GLCCI1: variants seen among roughly 807,000 people sequenced by gnomAD.
GLCCI1 encodes the protein glucocorticoid-induced transcript 1 protein.
Under a neutral mutation model 52.2 loss-of-function variants are expected in GLCCI1, and 24 were observed. The observed-to-expected ratio is 0.46, with a 90% confidence interval of 0.33 to 0.65. The LOEUF is 0.65. Among genes scored for constraint, GLCCI1 ranks in the 30% least tolerant of loss-of-function variants. The pLI is 0.02. For missense variants in GLCCI1, 704 were observed against 701.5 expected (o/e 1.00, Z -0.04); for synonymous variants, 310 against 276.5 (o/e 1.12, Z -1.20).
chr7:8,083,295 G>A (rs955404775), intron 6 of GLCCI1, among the ~76,000 whole-genome samples: 1 of 151,954 alleles, frequency 6.6e-6, no homozygotes, highest in African/African-American at 2.4e-5. Context: ...GTTTGTTGCT[G>A]TTTGCATAGT....
chr7:8,037,752 C>A (rs988419023), intron 3 of GLCCI1, among the ~76,000 whole-genome samples: 1 of 151,932 alleles, frequency 6.6e-6, no homozygotes, highest in Non-Finnish European at 1.5e-5. Flanking sequence ...GTCATACTTA[C>A]ATCAGATAAA....
chr7:8,059,254 C>T (rs559370103), intron 4 of GLCCI1, among the ~76,000 whole-genome samples: 47 of 152,202 alleles, frequency 3.1e-4, no homozygotes, highest in Non-Finnish European at 6.6e-4. Flanking sequence ...CAATAAGAGA[C>T]AAAAGACACT....
chr7:8,025,905 G>C (rs1326511114), intron 3 of GLCCI1, among the ~76,000 whole-genome samples: 1 of 152,206 alleles, frequency 6.6e-6, no homozygotes, highest in African/African-American at 2.4e-5. Flanking sequence ...GGCATTCCCA[G>C]ATAAAACTTG....
At chr7:8,010,567 A>T (rs549937642) in intron 2 of GLCCI1, among the ~76,000 whole-genome samples, 1 of 152,304 alleles carries the variant, frequency 6.6e-6, no homozygotes, top group African/African-American at 2.4e-5. Context: ...ATTCAGCTAA[A>T]TTAAAAGAAG....
intron 3 of GLCCI1, among the ~76,000 whole-genome samples, chr7:8,046,607 C>T (rs922957997): frequency 1.3e-5 from 2 of 152,170 alleles, no homozygotes; most frequent in Non-Finnish European, 2.9e-5. Context: ...ATTTGCCAAT[C>T]GGAAAATTTT....
chr7:8,050,113 G>A (rs1048218579), intron 3 of GLCCI1, among the ~76,000 whole-genome samples: 11 of 152,082 alleles, frequency 7.2e-5, no homozygotes, highest in Admixed American at 7.2e-4. Context: ...TGTCTATTCC[G>A]GGATCAGTGG....
chr7:8,015,449 G>A (rs576553201), intron 2 of GLCCI1, among the ~76,000 whole-genome samples: 1 of 152,328 alleles, frequency 6.6e-6, no homozygotes, highest in South Asian at 2.1e-4. Flanking sequence ...TGAAATGGAA[G>A]CAAGACTGAA....
chr7:8,074,743 GGT>G (rs1177862941), intron 6 of GLCCI1, among the ~76,000 whole-genome samples: 1 of 152,030 alleles, frequency 6.6e-6, no homozygotes, highest in African/African-American at 2.4e-5. Flanking sequence ...ATCATAAATT[GGT>G]GTTTTTTTAT....
chr7:8,027,182 C>T (rs936583982), intron 3 of GLCCI1, among the ~76,000 whole-genome samples: 14 of 152,176 alleles, frequency 9.2e-5, no homozygotes, highest in African/African-American at 3.4e-4. Context: ...GATATATAAC[C>T]TTTCAGACAA....
intron 6 of GLCCI1, among the ~76,000 whole-genome samples, chr7:8,082,243 T>C (rs1436287243): frequency 1.3e-5 from 2 of 152,220 alleles, no homozygotes; most frequent in Non-Finnish European, 2.9e-5. Context: ...ATGGGTTGTT[T>C]TTAAAGCGTG....
At chr7:8,055,209 A>G (rs76000212) in intron 3 of GLCCI1, among the ~76,000 whole-genome samples, 5,805 of 152,328 alleles carry the variant, frequency 0.038, 168 homozygotes, top group Non-Finnish European at 0.059. Flanking sequence ...ATATTTACCA[A>G]TAACACTATT....
At chr7:8,026,937 A>G (rs1294337618) in intron 3 of GLCCI1, among the ~76,000 whole-genome samples, 1 of 152,206 alleles carries the variant, frequency 6.6e-6, no homozygotes, top group South Asian at 2.1e-4. Flanking sequence ...GTATAACTCT[A>G]CAAATCTGAA....
intron 1 of GLCCI1, among the ~76,000 whole-genome samples, chr7:7,977,954 G>A (rs1459842074): frequency 6.6e-6 from 1 of 152,194 alleles, no homozygotes; most frequent in East Asian, 1.9e-4. Flanking sequence ...GGGCAGGAAA[G>A]TATGCACAAT....
Position 8,086,202 on chromosome 7 carries a change from G to C in GLCCI1, c.1308G>C (p.Gln436His). ...TGTTTTATGGTTTTAGGTCTCGTCA[G>C]CCTATCTCGGCCCCTCTCTTTTCAT... ...VKVFEEMASR[Q>H]PISAPLFSCP... is the part of the protein sequence containing the mutation. Residue 436 changes from glutamine (Q) to histidine (H), a missense_variant, in exon 8 of 8, where the codon CAG (glutamine) becomes CAC (histidine). Physicochemically the swap from Gln to His is conservative, Grantham distance 24. Transcript: ENST00000223145. This position sits in a 1 kb window ranked among gnomAD's most constrained non-coding sequence, Gnocchi z 4.4. The C allele has an allele frequency of 6.2e-7, 1 of 1,611,406 alleles. No individual in the cohort carries two copies. Among genetic ancestry groups the C allele is most frequent in the Non-Finnish European group, 8.5e-7 (1 of 1,179,186 alleles).
At chr7:8,006,697 A>C (rs1299275925) in intron 2 of GLCCI1, among the ~76,000 whole-genome samples, 1 of 152,240 alleles carries the variant, frequency 6.6e-6, no homozygotes, top group Non-Finnish European at 1.5e-5. Flanking sequence ...AATAATCTTC[A>C]TATGGACCTG....
chr7:7,975,432 A>G (rs762522476), intron 1 of GLCCI1, among the ~76,000 whole-genome samples: 39 of 152,216 alleles, frequency 2.6e-4, no homozygotes, highest in Non-Finnish European at 4.9e-4. Flanking sequence ...TGTGCTAACT[A>G]TATACCAAGC....
intron 1 of GLCCI1, among the ~76,000 whole-genome samples, chr7:7,977,328 G>A (rs957220317): frequency 3.3e-5 from 5 of 152,144 alleles, no homozygotes; most frequent in African/African-American, 7.2e-5. Context: ...CTAGACTTGT[G>A]CTATAACTGA....
intron 1 of GLCCI1, among the ~76,000 whole-genome samples, chr7:7,973,269 A>G (rs1780392889): frequency 6.6e-6 from 1 of 152,216 alleles, no homozygotes; most frequent in African/African-American, 2.4e-5. Context: ...TCTTTAAGCT[A>G]AAATCATTAG....
In GLCCI1 at chr7:8,060,185, A is replaced by T; in HGVS notation, c.903A>T (p.Gly301=). 1 of 1,612,946 alleles carries T rather than the reference A, an allele frequency of 6.2e-7. No homozygotes were observed. The highest frequency in any genetic ancestry group is 1.3e-5 in the African/African-American group (1 of 75,018). Residue 301 remains glycine, a synonymous_variant, in exon 5 of 8, where the codon GGA becomes GGT. Coordinates refer to ENST00000223145, the MANE Select transcript of GLCCI1 (RefSeq NM_138426.4). ...CGCGTGTGCCCTGCAATGTAGAAGG[A>T]ATAAGTCCTGAATTAGAAAAGGTAT... is the stretch of plus-strand genomic sequence containing the variant. ...SVSRVPCNVE[G]ISPELEKVFI...
Sources: gnomAD v4.1 joint callset for allele counts (sites outside exome capture counted in the v4.1 genomes callset) on GRCh38, gnomAD v4.1.1 for gene constraint, Gnocchi (gnomAD v3.1) non-coding constraint, MANE v1.5 for transcripts, NCBI Gene and HGNC (gene_info 2026-07-23, HGNC 2026-07-21) for gene names.